GLRA1: variants seen among roughly 807,000 people sequenced by gnomAD.
GLRA1 encodes glycine receptor subunit alpha-1.
In GLRA1, 37 loss-of-function variants were observed where a neutral mutation model predicts 48.3. The observed-to-expected ratio is 0.77, with a 90% confidence interval of 0.59 to 1.01. The LOEUF is 1.01. Ranked by LOEUF, GLRA1 falls within the 50% of genes least tolerant of loss-of-function variation. GLRA1 has a pLI of 0.00. For synonymous variants in GLRA1, 196 were observed against 210.7 expected, an observed-to-expected ratio of 0.93 and a Z score of 0.60; for missense variants, 427 against 571.0, an observed-to-expected ratio of 0.75 and a Z score of 2.57.
At chr5:151,867,031 A>G (rs1190877878) in intron 3 of GLRA1, among the ~76,000 whole-genome samples, 1 of 152,212 alleles carries the variant, frequency 6.6e-6, no homozygotes, top group Non-Finnish European at 1.5e-5. Context: ...GGATCAATTG[A>G]GCCCATGAGG....
intron 2 of GLRA1, among the ~76,000 whole-genome samples, chr5:151,890,235 CATTT>C (rs10630719): frequency 6.6e-6 from 1 of 151,694 alleles, no homozygotes; most frequent in Non-Finnish European, 1.5e-5. Flanking sequence ...TTTGTGGGGT[CATTT>C]ATTTATTCAT....
chr5:151,858,418 A>G (rs998971705), intron 4 of GLRA1, among the ~76,000 whole-genome samples: 2 of 152,216 alleles, frequency 1.3e-5, no homozygotes, highest in Admixed American at 6.5e-5. Flanking sequence ...GGTTTGTCCT[A>G]TCATGCTGTA....
intron 1 of GLRA1, among the ~76,000 whole-genome samples, chr5:151,921,473 A>G (rs1215937261): frequency 1.3e-5 from 2 of 152,240 alleles, no homozygotes; most frequent in African/African-American, 4.8e-5. Flanking sequence ...GGATGCGGCT[A>G]AACATCCCAC....
intron 8 of GLRA1, 76 bp from the exon 9 acceptor site, chr5:151,823,039 G>A: frequency 7.5e-7 from 1 of 1,325,964 alleles, no homozygotes; most frequent in East Asian, 2.4e-5. Context: ...GCACTCCCTT[G>A]GGGGCCAGGC....
At chr5:151,843,798 C>A (rs1029952513) in intron 7 of GLRA1, among the ~76,000 whole-genome samples, 1 of 152,026 alleles carries the variant, frequency 6.6e-6, no homozygotes, top group African/African-American at 2.4e-5. Context: ...ATTTTTTTGA[C>A]GAGGGTATCA....
intron 1 of GLRA1, among the ~76,000 whole-genome samples, chr5:151,912,935 G>A (rs1419475573): frequency 6.6e-6 from 1 of 152,156 alleles, no homozygotes; most frequent in African/African-American, 2.4e-5. Context: ...TGTATGTAAG[G>A]TCCCTTTAAA....
intron 3 of GLRA1, among the ~76,000 whole-genome samples, chr5:151,876,266 A>G (rs1222728113): frequency 6.6e-6 from 1 of 152,084 alleles, no homozygotes; most frequent in Non-Finnish European, 1.5e-5. Flanking sequence ...GGCACTATTG[A>G]ACACACAACA....
intron 7 of GLRA1, chr5:151,850,529 C>T (rs75465323): frequency 0.039 from 40,695 of 1,050,092 alleles, 1,021 homozygotes; most frequent in Non-Finnish European, 0.049. Context: ...GTACCACATC[C>T]ACGCTTATGA....
chr5:151,835,677 A>T (rs1463334590), intron 7 of GLRA1, among the ~76,000 whole-genome samples: 1 of 152,214 alleles, frequency 6.6e-6, no homozygotes, highest in Admixed American at 6.5e-5. Context: ...AATAGACATA[A>T]TCCATCATAA....
At chr5:151,888,967 T>A (rs967393394) in intron 2 of GLRA1, among the ~76,000 whole-genome samples, 1 of 152,202 alleles carries the variant, frequency 6.6e-6, no homozygotes, top group African/African-American at 2.4e-5. Flanking sequence ...TTTTTCTCCT[T>A]TATTTAGACT....
chr5:151,891,885 G>A (rs979987032), intron 2 of GLRA1, among the ~76,000 whole-genome samples: 1 of 152,062 alleles, frequency 6.6e-6, no homozygotes, highest in Admixed American at 6.6e-5. Flanking sequence ...TCCGTGAAGC[G>A]TATGTTTAAA....
chr5:151,913,726 C>T (rs1754673167), intron 1 of GLRA1, among the ~76,000 whole-genome samples: 1 of 152,168 alleles, frequency 6.6e-6, no homozygotes, highest in South Asian at 2.1e-4. Context: ...TCTCTGAAGC[C>T]ACACTTCCTG....
At chr5:151,849,416 C>G (rs546863428) in intron 7 of GLRA1, among the ~76,000 whole-genome samples, 21 of 13,114 alleles carry the variant, frequency 1.6e-3, no homozygotes, top group African/African-American at 8.5e-3. Flanking sequence ...CTTTCCTTTC[C>G]TTTCCTTTCC....
intron 7 of GLRA1, among the ~76,000 whole-genome samples, chr5:151,830,791 G>A (rs1190714088): frequency 6.6e-6 from 1 of 152,234 alleles, no homozygotes. Flanking sequence ...AAATCCTGAA[G>A]AGAGGGTAGA....
Position 151,854,966 on chromosome 5 carries a change from G to T in GLRA1, c.697+74C>A. On this transcript the variant is annotated intron_variant, in intron 6 of 8. Transcript: ENST00000274576. ...TCTTCATAAGATCTGTTGGATCAAT[G>T]ATTGAATGTGTCTGAAATGACCTCT... 4 of 1,447,452 alleles carry T rather than the reference G, an allele frequency of 2.8e-6. No homozygotes were observed. The South Asian group carries it at 3.4e-5, about 12-fold the overall frequency. The allele number at this position is 1,447,452 out of a possible 1,614,324, so 89.7% of individuals were successfully genotyped here. A position where few individuals can be genotyped will look rare whatever the true frequency, so the allele number is the denominator to read the frequency against.
Position 151,855,162 on chromosome 5 carries a change from T to C in GLRA1, c.575A>G (p.Asn192Ser), listed in dbSNP as rs1307103004. ...TTCCTGCCACTCAAAGATGAGGTCA[T>C]TCATCGTATATCCAACTGGGATGGG... Reference protein sequence around the residue: ...MQLESFGYTMNDLIFEWQEQG... With the variant: ...MQLESFGYTMSDLIFEWQEQG... Residue 192 changes from asparagine (N) to serine (S), a missense_variant, in exon 6 of 9, where the codon AAT becomes AGT. Physicochemically the swap from Asn to Ser is conservative, Grantham distance 46. This residue lies in a region of GLRA1 where 271 missense variants were observed against 434.9 expected (regional missense o/e 0.62). Transcript: ENST00000274576. The C allele has an allele frequency of 2.5e-6, 4 of 1,613,894 alleles. No individual in the cohort carries two copies. The highest frequency in any genetic ancestry group is 3.4e-6 in the Non-Finnish European group (4 of 1,179,898).
intron 1 of GLRA1, among the ~76,000 whole-genome samples, chr5:151,921,978 G>A (rs756366432): frequency 8.5e-5 from 13 of 152,108 alleles, no homozygotes; most frequent in Admixed American, 7.9e-4. Flanking sequence ...GTACCATATG[G>A]GATTTCCGCC....
Position 151,924,746 on chromosome 5 carries a change from C to G in GLRA1, c.-197G>C. ...TAGATACCACGGACAGCGGCGGCTGCGAGGCGTTTCAGCACCACGGAGAGC... is the reference window on the plus strand; with the variant it reads ...TAGATACCACGGACAGCGGCGGCTGGGAGGCGTTTCAGCACCACGGAGAGC... On this transcript the variant is annotated 5_prime_UTR_variant, in exon 1 of 9. Transcript: ENST00000274576. 1 of 645,536 alleles carries G rather than the reference C, an allele frequency of 1.5e-6. No individual in the cohort carries two copies. Among genetic ancestry groups the G allele is most frequent in the Non-Finnish European group, 2.8e-6 (1 of 356,488 alleles). 40.0% of individuals were successfully genotyped at this position (645,536 alleles called of 1,614,324 possible).
At chr5:151,890,472 A>T (rs997704278) in intron 2 of GLRA1, among the ~76,000 whole-genome samples, 5 of 152,238 alleles carry the variant, frequency 3.3e-5, no homozygotes, top group African/African-American at 1.2e-4. Flanking sequence ...GGGACAGAGG[A>T]TGCAACCTGG....
Sources: gnomAD v4.1 joint callset for allele counts (sites outside exome capture counted in the v4.1 genomes callset) on GRCh38, gnomAD v4.1.1 for gene constraint, gnomAD v4.1.1 regional missense constraint, MANE v1.5 for transcripts, NCBI Gene and HGNC (gene_info 2026-07-23, HGNC 2026-07-21) for gene names.